The following TVP23A variants were observed in gnomAD, a reference collection of about 807,000 sequenced individuals.
TVP23A encodes the protein trans-golgi network vesicle protein 23 homolog A, also known as Golgi apparatus membrane protein TVP23 homolog A.
In TVP23A, 21 loss-of-function variants were observed where a neutral mutation model predicts 31.7. The ratio of observed to expected loss-of-function variants is 0.66; its 90% CI spans 0.47 to 0.95. The LOEUF (loss-of-function observed/expected upper bound fraction) is 0.95. TVP23A is among the 40% of genes least tolerant of loss of function. The pLI, the probability that TVP23A is intolerant of heterozygous loss-of-function variation, is 0.00. For missense variants in TVP23A, 279 were observed against 255.6 expected (o/e 1.09, Z -0.62); for synonymous variants, 104 against 96.0 (o/e 1.08, Z -0.49).
intron 2 of TVP23A, among the ~76,000 whole-genome samples, chr16:10,816,884 A>T (rs1350815535): frequency 6.6e-6 from 1 of 151,110 alleles, no homozygotes; most frequent in East Asian, 1.9e-4. Flanking sequence ...AATAATAAAA[A>T]ATAAATAAAA....
At chr16:10,813,192 G>A (rs915424983) in intron 2 of TVP23A, among the ~76,000 whole-genome samples, 4 of 152,194 alleles carry the variant, frequency 2.6e-5, no homozygotes, top group East Asian at 1.9e-4. Context: ...TAATAACCAC[G>A]TGGTGAAGTC....
At chr16:10,817,707 G>A (rs1194980447) in intron 2 of TVP23A, among the ~76,000 whole-genome samples, 4 of 152,094 alleles carry the variant, frequency 2.6e-5, no homozygotes, top group Non-Finnish European at 4.4e-5. Context: ...CTTCAGCTTG[G>A]AACACTCTCC....
At chr16:10,773,521 A>G in intron 4 of TVP23A, 80 bp from the exon 5 acceptor site, 1 of 1,458,918 alleles carries the variant, frequency 6.9e-7, no homozygotes, top group Non-Finnish European at 9.2e-7. Context: ...CATTTATTTT[A>G]TTTTGCAGAT....
At chr16:10,785,237 C>T (rs2032680656) in intron 2 of TVP23A, among the ~76,000 whole-genome samples, 1 of 152,126 alleles carries the variant, frequency 6.6e-6, no homozygotes, top group Admixed American at 6.5e-5. Flanking sequence ...AAACCTGCCT[C>T]TATTAAAAAT....
At chr16:10,814,390 T>A (rs2034340066) in intron 2 of TVP23A, among the ~76,000 whole-genome samples, 1 of 152,138 alleles carries the variant, frequency 6.6e-6, no homozygotes, top group South Asian at 2.1e-4. Context: ...GAGTTCAACA[T>A]CTTTCCCCCA....
intron 2 of TVP23A, among the ~76,000 whole-genome samples, chr16:10,801,886 G>C (rs2033710713): frequency 6.6e-6 from 1 of 152,050 alleles, no homozygotes; most frequent in Non-Finnish European, 1.5e-5. Flanking sequence ...AGTACACATT[G>C]ATGGCTGGAC....
intron 2 of TVP23A, among the ~76,000 whole-genome samples, chr16:10,807,333 C>A (rs1021058626): frequency 1.3e-4 from 20 of 152,194 alleles, no homozygotes; most frequent in African/African-American, 4.8e-4. Flanking sequence ...CCTCTCCTTC[C>A]TTGCCCCCCA....
At chr16:10,774,864 G>A in intron 3 of TVP23A, 88 bp downstream of exon 3, 1 of 1,211,582 alleles carries the variant, frequency 8.3e-7, no homozygotes, top group Non-Finnish European at 1.2e-6. Context: ...TGTCTCAGGA[G>A]TCTAAACCAA....
chr16:10,810,746 A>G (rs950009398), intron 2 of TVP23A, among the ~76,000 whole-genome samples: 2 of 151,900 alleles, frequency 1.3e-5, no homozygotes, highest in Non-Finnish European at 2.9e-5. Flanking sequence ...GGGCCTTTGG[A>G]GTCAGACTAG....
Position 10,777,737 on chromosome 16 carries a change from C to T in TVP23A, c.90-2641G>A, listed in dbSNP as rs537534875. ...AAGAATTAGACAGGATCAAGCCGGG[C>T]GTGGTGGCTCACGCCTGTAATCCCA... On this transcript the variant is annotated intron_variant, in intron 2 of 7. Transcript: ENST00000299866. The surrounding 1 kb of genome is among the most constrained non-coding windows in gnomAD (Gnocchi z 4.5). Among the ~76,000 whole-genome samples, 138 of 152,250 alleles carry T rather than the reference C, an allele frequency of 9.1e-4. 2 individuals are homozygous for T. Among genetic ancestry groups the T allele is most frequent in the African/African-American group, 2.9e-3 (120 of 41,546 alleles).
chr16:10,812,961 A>G (rs1340947065), intron 2 of TVP23A, among the ~76,000 whole-genome samples: 2 of 152,166 alleles, frequency 1.3e-5, no homozygotes, highest in Admixed American at 1.3e-4. Context: ...CACATACAGC[A>G]TGGCTAACAT....
chr16:10,771,781 C>T lies in TVP23A; in HGVS notation c.471G>A (p.Gly157=). ...KLKWLALVVA[G]ISLQAANLYG... ...ACAGGTTTGCAGCTTGGAGAGAGAT[C>T]CCAGCAACCACCAGAGCCTGCACTC... Residue 157 remains glycine, a synonymous_variant, in exon 6 of 8, where the codon GGG becomes GGA. Coordinates refer to ENST00000299866, the MANE Select transcript of TVP23A (RefSeq NM_001079512.4). 6.3e-7 allele frequency: 1 copy of T among 1,581,320 alleles called. No homozygotes were observed. Among genetic ancestry groups the T allele is most frequent in the Non-Finnish European group, 8.6e-7 (1 of 1,163,234 alleles).
intron 2 of TVP23A, among the ~76,000 whole-genome samples, chr16:10,797,957 T>TC (rs941202714): frequency 2.1e-5 from 3 of 142,170 alleles, no homozygotes; most frequent in African/African-American, 7.9e-5. Context: ...TTCTTTTTCT[T>TC]TTTTTTTTTT....
chr16:10,768,820 C>T lies in TVP23A; in HGVS notation c.*282G>A, dbSNP rs1224229629. On this transcript the variant is annotated 3_prime_UTR_variant, in exon 8 of 8. Coordinates refer to ENST00000299866, the MANE Select transcript of TVP23A (RefSeq NM_001079512.4). The surrounding 1 kb of genome is among the most constrained non-coding windows in gnomAD (Gnocchi z 4.3). ...AAACAGCATTCCCAGAATCCTCCAT[C>T]TATAGATGGTCCGAGGAAGGCCGCA... is the stretch of plus-strand genomic sequence containing the variant. The T allele has an allele frequency of 4.2e-6, 2 of 477,394 alleles. No homozygotes were observed. The highest frequency in any genetic ancestry group is 7.4e-6 in the Non-Finnish European group (2 of 269,962). The allele number at this position is 477,394 out of a possible 1,614,324, so 29.6% of individuals were successfully genotyped here.
At chr16:10,766,123 C>T (rs984589531), downstream of TVP23A, 1 of 152,422 alleles carries the variant, frequency 6.6e-6, no homozygotes, top group African/African-American at 2.4e-5. This position sits in a 1 kb window ranked among gnomAD's most constrained non-coding sequence, Gnocchi z 4.8. Context: ...GATGCCAGCG[C>T]TCTGGTGCTA....
Position 10,767,307 on chromosome 16 carries a change from G to A in TVP23A, c.*1795C>T, listed in dbSNP as rs141554075. 1.1e-4 allele frequency: 45 copies of A among 399,330 alleles called. No homozygotes were observed. Among genetic ancestry groups the A allele is most frequent in the African/African-American group, 5.7e-4 (28 of 48,776 alleles). The allele number at this position is 399,330 out of a possible 1,614,324, so 24.7% of individuals were successfully genotyped here. On this transcript the variant is annotated 3_prime_UTR_variant, in exon 8 of 8. Coordinates refer to ENST00000299866, the MANE Select transcript of TVP23A (RefSeq NM_001079512.4). The surrounding 1 kb of genome is among the most constrained non-coding windows in gnomAD (Gnocchi z 4.6). ...AACATGGTCCTAGAGAAACCTGGGT[G>A]TGCATAGGAGGGGACTGGAACAATG...
chr16:10,783,450 C>A (rs532583920), intron 2 of TVP23A, among the ~76,000 whole-genome samples: 1 of 152,198 alleles, frequency 6.6e-6, no homozygotes, highest in Admixed American at 6.5e-5. Context: ...CTGAGGTGGG[C>A]AGATCACTTG....
intron 2 of TVP23A, among the ~76,000 whole-genome samples, chr16:10,795,066 C>T (rs2033312091): frequency 6.6e-6 from 1 of 151,998 alleles, no homozygotes; most frequent in Non-Finnish European, 1.5e-5. Flanking sequence ...CATTGGAACA[C>T]CCCAGAGAGC....
intron 2 of TVP23A, among the ~76,000 whole-genome samples, chr16:10,801,812 A>T (rs1324004730): frequency 6.6e-6 from 1 of 152,104 alleles, no homozygotes; most frequent in Non-Finnish European, 1.5e-5. Flanking sequence ...TGAACTACAG[A>T]TTAGATAGTC....
Sources: gnomAD v4.1 joint callset for allele counts (sites outside exome capture counted in the v4.1 genomes callset) on GRCh38, gnomAD v4.1.1 for gene constraint, Gnocchi (gnomAD v3.1) non-coding constraint, MANE v1.5 for transcripts, NCBI Gene and HGNC (gene_info 2026-07-23, HGNC 2026-07-21) for gene names.